Variants in PIK3C2G observed in about 807,000 individuals in gnomAD.
PIK3C2G encodes the protein phosphatidylinositol 3-kinase C2 domain-containing subunit gamma.
Under a neutral mutation model 181.1 loss-of-function variants are expected in PIK3C2G, and 168 were observed. The observed-to-expected ratio is 0.93, with a 90% CI of 0.82 to 1.05. The LOEUF (loss-of-function observed/expected upper bound fraction) is 1.05. Ranked by LOEUF, PIK3C2G falls within the 50% of genes least tolerant of loss-of-function variation. The pLI is 0.00. For missense variants in PIK3C2G, 1,869 were observed against 1,732.8 expected (o/e 1.08, Z -1.40); for synonymous variants, 573 against 592.2 (o/e 0.97, Z 0.47).
At chr12:18,336,357 A>G (rs1938532026) in intron 8 of PIK3C2G, among the ~76,000 whole-genome samples, 1 of 152,164 alleles carries the variant, frequency 6.6e-6, no homozygotes, top group Admixed American at 6.5e-5. Context: ...AGAGCTGACA[A>G]TATTGTCTAT....
At chr12:18,700,309 T>A in the PIK3C2G span, among the ~76,000 whole-genome samples, 1 of 151,978 alleles carries the variant, frequency 6.6e-6, no homozygotes, top group Admixed American at 6.6e-5. Flanking sequence ...ATAGCGAACA[T>A]TTGCCATTTC....
At chr12:18,574,053 G>T (rs1404804418) in intron 29 of PIK3C2G, among the ~76,000 whole-genome samples, 2 of 152,062 alleles carry the variant, frequency 1.3e-5, no homozygotes, top group Non-Finnish European at 2.9e-5. Flanking sequence ...AATGCTAAAA[G>T]GAGCTCTAAT....
At chr12:18,284,247 TGA>T (rs1417393172) in intron 2 of PIK3C2G, among the ~76,000 whole-genome samples, 1 of 152,152 alleles carries the variant, frequency 6.6e-6, no homozygotes, top group Non-Finnish European at 1.5e-5. Flanking sequence ...GAGACTGAGC[TGA>T]GCGCTTCAGG....
At chr12:18,695,707 T>A in the PIK3C2G span, among the ~76,000 whole-genome samples, 1 of 152,104 alleles carries the variant, frequency 6.6e-6, no homozygotes, top group African/African-American at 2.4e-5. Context: ...CAATTTGGAA[T>A]AAGAGTCTGG....
chr12:18,266,013 T>TAAAAAAAA (rs61315448), intron 1 of PIK3C2G, among the ~76,000 whole-genome samples: 10 of 61,766 alleles, frequency 1.6e-4, no homozygotes, highest in Admixed American at 2.7e-4. Context: ...AGACTTCATC[T>TAAAAAAAA]AAAAAAAAAA....
At chr12:18,297,647 T>C (rs2137256690) in intron 5 of PIK3C2G, among the ~76,000 whole-genome samples, 1 of 152,110 alleles carries the variant, frequency 6.6e-6, no homozygotes, top group East Asian at 1.9e-4. Flanking sequence ...TATCTAACTA[T>C]ATGTTTATAT....
chr12:18,304,441 G>T (rs1396340008), intron 5 of PIK3C2G, among the ~76,000 whole-genome samples: 1 of 152,096 alleles, frequency 6.6e-6, no homozygotes, highest in Non-Finnish European at 1.5e-5. Flanking sequence ...ATTTTTAGTA[G>T]AGATGAGGTT....
intron 30 of PIK3C2G, among the ~76,000 whole-genome samples, chr12:18,600,037 A>T (rs1266494195): frequency 1.3e-5 from 2 of 152,018 alleles, no homozygotes; most frequent in Non-Finnish European, 2.9e-5. Context: ...GACCAAATGG[A>T]AAAACCTAAG....
intron 15 of PIK3C2G, among the ~76,000 whole-genome samples, chr12:18,392,176 C>T (rs1943579135): frequency 1.3e-5 from 2 of 151,988 alleles, no homozygotes; most frequent in Non-Finnish European, 2.9e-5. Context: ...CATATTTTGG[C>T]AGTTGAGAAG....
chr12:18,376,100 A>G (rs1942419941), intron 13 of PIK3C2G, among the ~76,000 whole-genome samples: 1 of 152,182 alleles, frequency 6.6e-6, no homozygotes, highest in South Asian at 2.1e-4. Flanking sequence ...TGGATTCCTC[A>G]CAGAGTCCTT....
chr12:18,706,385 T>C, the PIK3C2G span, among the ~76,000 whole-genome samples: 15 of 152,264 alleles, frequency 9.9e-5, no homozygotes, highest in Admixed American at 9.2e-4. Context: ...TTTTAAAAAG[T>C]GAAACAAAAA....
At position 18,524,415 on chromosome 12, in the gene PIK3C2G, A is replaced by C. The variant is rs544768158; in HGVS notation, c.3324-13741A>C. On this transcript the variant is annotated intron_variant, in intron 24 of 32. Transcript: ENST00000538779. ...GTATTCTCGCCTGTGGATAGTTGCT[A>C]ATTGAATTTCTGGGTATGGGGGTAG... 2.6e-5 allele frequency among the ~76,000 whole-genome samples: 4 copies of C among 152,132 alleles called. No homozygotes were observed. The South Asian group carries it at 8.3e-4, about 32-fold the overall frequency.
intron 31 of PIK3C2G, among the ~76,000 whole-genome samples, chr12:18,614,790 C>G (rs1238346473): frequency 6.6e-6 from 1 of 152,022 alleles, no homozygotes; most frequent in African/African-American, 2.4e-5. Flanking sequence ...TTCCAACTGC[C>G]TGATGGGCAT....
chr12:18,666,138 C>G, the PIK3C2G span, among the ~76,000 whole-genome samples: 1 of 151,384 alleles, frequency 6.6e-6, no homozygotes, highest in Non-Finnish European at 1.5e-5. Context: ...TCAAGTGACA[C>G]TAGAAAATAT....
intron 16 of PIK3C2G, among the ~76,000 whole-genome samples, chr12:18,412,436 G>A (rs1944915282): frequency 1.3e-5 from 2 of 152,040 alleles, no homozygotes; most frequent in Non-Finnish European, 2.9e-5. Flanking sequence ...TTTTCCAGGG[G>A]CCACATGATT....
chr12:18,307,656 C>A (rs1305259100), intron 5 of PIK3C2G, among the ~76,000 whole-genome samples: 1 of 151,816 alleles, frequency 6.6e-6, no homozygotes, highest in South Asian at 2.1e-4. Flanking sequence ...GGTATGGTAA[C>A]CTTTCTTCTT....
At chr12:18,250,294 T>A (rs1198042005) in intron 1 of PIK3C2G, among the ~76,000 whole-genome samples, 1 of 152,074 alleles carries the variant, frequency 6.6e-6, no homozygotes, top group Non-Finnish European at 1.5e-5. Flanking sequence ...TTGACAGAAT[T>A]TTATTCCCAG....
At chr12:18,565,562 A>C (rs1202237706) in intron 28 of PIK3C2G, among the ~76,000 whole-genome samples, 4 of 152,188 alleles carry the variant, frequency 2.6e-5, no homozygotes, top group Non-Finnish European at 4.4e-5. Flanking sequence ...AATCTTTGTC[A>C]GATGTTTTCT....
the PIK3C2G span, among the ~76,000 whole-genome samples, chr12:18,699,128 T>C: frequency 6.6e-6 from 1 of 152,282 alleles, no homozygotes; most frequent in South Asian, 2.1e-4. Context: ...GAAAGGAAGA[T>C]GCAGAGACAG....
Sources: allele counts gnomAD v4.1 joint callset (sites outside exome capture counted in the v4.1 genomes callset), GRCh38; gene constraint gnomAD v4.1.1; transcripts MANE v1.5; gene names NCBI Gene and HGNC (gene_info 2026-07-23, HGNC 2026-07-21).